The following JPH2 variants were observed in gnomAD, a reference collection of about 807,000 sequenced individuals.
The protein encoded by JPH2 is junctophilin-2.
A neutral mutation model predicts 55.9 loss-of-function variants in JPH2; 38 were observed. The observed-to-expected ratio is 0.68, with a 90% CI of 0.52 to 0.89. The LOEUF (loss-of-function observed/expected upper bound fraction) is 0.89, where lower values mean the gene tolerates loss of function less well. JPH2 is among the 40% of genes least tolerant of loss of function. The probability of loss-of-function intolerance (pLI) is 0.00; values close to 1 mark genes in which losing one functional copy is unlikely to be tolerated. For synonymous variants in JPH2, 480 were observed against 472.4 expected (o/e 1.02, Z -0.21); for missense variants, 964 against 1,037.6 (o/e 0.93, Z 0.97).
chr20:44,173,610 T>A (rs1011325614), intron 1 of JPH2, among the ~76,000 whole-genome samples: 1 of 152,204 alleles, frequency 6.6e-6, no homozygotes, highest in African/African-American at 2.4e-5. Context: ...TAAGTTAATT[T>A]TATCCATACA....
rs772494867 is a variant in JPH2, at chr20:44,108,143, A to G, written c.*5375T>C. Among the ~76,000 whole-genome samples, 2 of 152,186 alleles carry G rather than the reference A, an allele frequency of 1.3e-5. No individual in the cohort carries two copies. Among genetic ancestry groups the G allele is most frequent in the Non-Finnish European group, 2.9e-5 (2 of 68,034 alleles). ...TGAAGTCCCAATAAAAACTCTGGAC[A>G]CTGAAGCACTGGTTAGCTTCCCTGG... On this transcript the variant is annotated 3_prime_UTR_variant, in exon 6 of 6. Coordinates refer to ENST00000372980, the MANE Select transcript of JPH2 (RefSeq NM_020433.5).
chr20:44,162,785 T>TACACACACACACAC (rs1430891241), intron 1 of JPH2, among the ~76,000 whole-genome samples: 1 of 49,980 alleles, frequency 2.0e-5, no homozygotes, highest in African/African-American at 9.9e-5. Context: ...TATATATATA[T>TACACACACACACAC]ATACACACAC....
chr20:44,126,032 G>A (rs1379029741), intron 2 of JPH2, among the ~76,000 whole-genome samples: 5 of 151,538 alleles, frequency 3.3e-5, no homozygotes, highest in African/African-American at 9.7e-5. Flanking sequence ...AGGCTGAGGT[G>A]GGAGGATTGC....
intron 1 of JPH2, among the ~76,000 whole-genome samples, chr20:44,183,426 C>G (rs1600480579): frequency 6.6e-6 from 1 of 152,244 alleles, no homozygotes; most frequent in Admixed American, 6.5e-5. Flanking sequence ...CCTGCACAAA[C>G]TCCAGCGACC....
chr20:44,186,016 T>C (rs755591793), intron 1 of JPH2, among the ~76,000 whole-genome samples: 22 of 152,164 alleles, frequency 1.4e-4, no homozygotes, highest in Non-Finnish European at 2.6e-4. Flanking sequence ...CATGGCTGTT[T>C]ATGTTGGGGC....
At chr20:44,155,754 G>A (rs747728267) in intron 2 of JPH2, among the ~76,000 whole-genome samples, 23 of 152,156 alleles carry the variant, frequency 1.5e-4, no homozygotes, top group Admixed American at 5.2e-4. Context: ...AAAACTGTTG[G>A]GCTGGGCGTG....
rs750791531 is a variant in JPH2, at chr20:44,159,790, C to A, written c.997G>T (p.Asp333Tyr). The A allele has an allele frequency of 6.2e-7, 1 of 1,613,072 alleles. No individual in the cohort carries two copies. The change falls in exon 2 of 6, where the codon GAC (aspartate) becomes TAC (tyrosine). Residue 333 changes from aspartate to tyrosine, a missense_variant. Transcript: ENST00000372980. The surrounding 1 kb of genome is among the most constrained non-coding windows in gnomAD (Gnocchi z 5.7). ...RHGYGCTTLP[D>Y]GHREEGKYRH... ...TACTTGCCCTCCTCGCGGTGGCCGT[C>A]GGGCAGCGTGGTGCAGCCATAGCCG...
intron 1 of JPH2, among the ~76,000 whole-genome samples, chr20:44,171,004 C>G (rs770353508): frequency 1.3e-5 from 2 of 152,228 alleles, no homozygotes; most frequent in Non-Finnish European, 2.9e-5. Context: ...CCCTGCCCCC[C>G]ACTTCAGTTG....
At chr20:44,179,801 C>T (rs1042913770) in intron 1 of JPH2, among the ~76,000 whole-genome samples, 2 of 152,146 alleles carry the variant, frequency 1.3e-5, no homozygotes, top group Non-Finnish European at 2.9e-5. Flanking sequence ...TATCAAATTG[C>T]ATCTCTGCTT....
chr20:44,141,736 T>C (rs2072458143), intron 2 of JPH2, among the ~76,000 whole-genome samples: 1 of 152,088 alleles, frequency 6.6e-6, no homozygotes. Context: ...CTCGAACTCC[T>C]GGCCTCAAGC....
chr20:44,156,226 C>T (rs1402527247), intron 2 of JPH2, among the ~76,000 whole-genome samples: 2 of 152,104 alleles, frequency 1.3e-5, no homozygotes, highest in Non-Finnish European at 2.9e-5. Context: ...AGTGAAGAGT[C>T]GTGTGCCATG....
In JPH2 at chr20:44,157,329, A is replaced by G. The variant is rs146402223; in HGVS notation, c.1169+2289T>C. 3.7e-4 allele frequency among the ~76,000 whole-genome samples: 57 copies of G among 152,268 alleles called. No homozygotes were observed. The East Asian group carries it at 9.7e-3, about 26-fold the overall frequency. On this transcript the variant is annotated intron_variant, in intron 2 of 5. Coordinates refer to ENST00000372980, the MANE Select transcript of JPH2 (RefSeq NM_020433.5). ...CTGCATACAAATGAGGAGAGTATAA[A>G]AGATCCAGCTCCCTCATCCCAACTT...
rs1159124817 is a variant in JPH2 at position 44,179,299 on chromosome 20, T to C, written c.379+7028A>G. Reference sequence around the variant, plus strand: ...GTTTCAATTTTACATTCTTTTTAGATGTGTATAGGTATAGAATTACAATGT... The same window carrying C: ...GTTTCAATTTTACATTCTTTTTAGACGTGTATAGGTATAGAATTACAATGT... On this transcript the variant is annotated intron_variant, in intron 1 of 5. Transcript: ENST00000372980. Among the ~76,000 whole-genome samples the C allele has an allele frequency of 2.0e-5, 3 of 152,228 alleles. No individual in the cohort carries two copies. The East Asian group carries it at 5.8e-4, about 29-fold the overall frequency.
At chr20:44,119,343 C>CTAT (rs2072218275) in intron 2 of JPH2, among the ~76,000 whole-genome samples, 1 of 152,294 alleles carries the variant, frequency 6.6e-6, no homozygotes, top group African/African-American at 2.4e-5. Context: ...GCTACTACTA[C>CTAT]TATTATGGTT....
In JPH2 at chr20:44,115,732, G is replaced by C. The variant is rs1442206114; in HGVS notation, c.1943C>G (p.Ala648Gly). The C allele has an allele frequency of 6.2e-7, 1 of 1,613,492 alleles. No homozygotes were observed. Among genetic ancestry groups the C allele is most frequent in the Non-Finnish European group, 8.5e-7 (1 of 1,179,998 alleles). Residue 648 changes from alanine to glycine, a missense_variant, in exon 4 of 6, where the codon GCG becomes GGG. By Grantham distance (60) the Ala-to-Gly change is moderately conservative. Transcript: ENST00000372980. ...CTTCCGCGCCTTCTTCTTGGCCCCC[G>C]CCTTGGTCAGCCCTCGAGCCTCAGT... ...RKTEARGLTK[A>G]GAKKKARKEA...
intron 2 of JPH2, among the ~76,000 whole-genome samples, chr20:44,143,165 T>C (rs2072469709): frequency 1.3e-5 from 2 of 152,100 alleles, no homozygotes; most frequent in Admixed American, 1.3e-4. Context: ...GAAGGAAACA[T>C]GGCTGAAGGC....
intron 2 of JPH2, among the ~76,000 whole-genome samples, chr20:44,130,422 C>T (rs921819966): frequency 2.6e-5 from 4 of 152,274 alleles, no homozygotes; most frequent in East Asian, 1.9e-4. Flanking sequence ...ATGTTCCCCA[C>T]ATCCTTCACA....
Position 44,116,188 on chromosome 20 carries a change from C to T in JPH2, c.1487G>A (p.Arg496Gln), listed in dbSNP as rs1404072085. The change falls in exon 4 of 6, where the codon CGG (arginine) becomes CAG (glutamine). Residue 496 changes from arginine (R) to glutamine (Q), a missense_variant. Physicochemically the swap from Arg to Gln is conservative, Grantham distance 43. Coordinates refer to ENST00000372980, the MANE Select transcript of JPH2 (RefSeq NM_020433.5). ...SPAGTPPQPK[R>Q]PRPGVSKDGL... ...GTCCTTGGACACCCCGGGCCTGGGC[C>T]GCTTGGGCTGCGGGGGCGTCCCGGC... is the stretch of plus-strand genomic sequence containing the variant. 1.0e-5 allele frequency: 14 copies of T among 1,391,150 alleles called. No individual in the cohort carries two copies. The highest frequency in any genetic ancestry group is 2.9e-5 in the East Asian group (1 of 34,218). 86.2% of individuals were successfully genotyped at this position (1,391,150 alleles called of 1,614,324 possible). A position where few individuals can be genotyped will look rare whatever the true frequency, so the allele number is the denominator to read the frequency against.
At chr20:44,164,952 C>T (rs1397207483) in intron 1 of JPH2, among the ~76,000 whole-genome samples, 1 of 151,824 alleles carries the variant, frequency 6.6e-6, no homozygotes, top group South Asian at 2.1e-4. Context: ...ATTCTCCTGC[C>T]TCAGCCTTCT....
Sources: allele counts gnomAD v4.1 joint callset (sites outside exome capture counted in the v4.1 genomes callset), GRCh38; gene constraint gnomAD v4.1.1; non-coding constraint Gnocchi (gnomAD v3.1); transcripts MANE v1.5; gene names NCBI Gene and HGNC (gene_info 2026-07-23, HGNC 2026-07-21).